Variants in IGF2BP3 observed in about 807,000 individuals in gnomAD.
IGF2BP3 encodes the protein insulin like growth factor 2 mRNA binding protein 3, also known as insulin-like growth factor 2 mRNA-binding protein 3.
A neutral mutation model predicts 73.8 loss-of-function variants in IGF2BP3; 9 were observed. That is an observed-to-expected ratio of 0.12 (90% CI 0.07 to 0.21). The LOEUF (loss-of-function observed/expected upper bound fraction) is 0.21, where lower values mean the gene tolerates loss of function less well. Ranked by LOEUF, IGF2BP3 falls within the 10% of genes least tolerant of loss-of-function variation. The pLI, the probability that IGF2BP3 is intolerant of heterozygous loss-of-function variation, is 1.00. For missense variants in IGF2BP3, 542 were observed against 714.0 expected, an observed-to-expected ratio of 0.76 and a Z score of 2.75; for synonymous variants, 258 against 256.7, an observed-to-expected ratio of 1.01 and a Z score of -0.05.
chr7:23,323,928 G>A (rs1316378265), intron 10 of IGF2BP3, among the ~76,000 whole-genome samples: 4 of 151,822 alleles, frequency 2.6e-5, no homozygotes, highest in Admixed American at 2.6e-4. Flanking sequence ...GCAGTGTGTA[G>A]AGGGAAATTT....
rs181781961 is a variant in IGF2BP3 at position 23,427,655 on chromosome 7, T to C, written c.237-8831A>G. 3.7e-3 allele frequency among the ~76,000 whole-genome samples: 560 copies of C among 151,852 alleles called. 5 individuals are homozygous for C. The highest frequency in any genetic ancestry group is 0.013 in the African/African-American group (526 of 41,388). ...GGAAGGCGGAGGTGGGTGGATCACC[T>C]GAGGTCCAGAGTTCAAGAACAGCCT... On this transcript the variant is annotated intron_variant, in intron 2 of 14. Coordinates refer to ENST00000258729, the MANE Select transcript of IGF2BP3 (RefSeq NM_006547.3).
chr7:23,341,300 C>A (rs1490558037), intron 10 of IGF2BP3, among the ~76,000 whole-genome samples: 2 of 152,156 alleles, frequency 1.3e-5, no homozygotes, highest in South Asian at 4.1e-4. Context: ...CAGAGTCACT[C>A]CTGACCTTTC....
chr7:23,343,521 A>C (rs1000227708), intron 9 of IGF2BP3, among the ~76,000 whole-genome samples, 197 bp downstream of exon 9: 1 of 152,238 alleles, frequency 6.6e-6, no homozygotes, highest in Non-Finnish European at 1.5e-5. Flanking sequence ...ATAATTTGCT[A>C]AAGTCACAGA....
At chr7:23,375,095 C>T (rs754516132) in intron 3 of IGF2BP3, among the ~76,000 whole-genome samples, 1 of 152,176 alleles carries the variant, frequency 6.6e-6, no homozygotes, top group Non-Finnish European at 1.5e-5. Context: ...ACTAGAGTGT[C>T]AAATACTGTT....
intron 2 of IGF2BP3, among the ~76,000 whole-genome samples, chr7:23,431,677 TA>T (rs1265346441): frequency 6.6e-6 from 1 of 150,478 alleles, no homozygotes; most frequent in Non-Finnish European, 1.5e-5. Flanking sequence ...CACCGTAAAA[TA>T]AAGAGATGTC....
chr7:23,448,541 T>C (rs1326777374), intron 2 of IGF2BP3, among the ~76,000 whole-genome samples: 1 of 152,136 alleles, frequency 6.6e-6, no homozygotes, highest in Non-Finnish European at 1.5e-5. Flanking sequence ...TAGCTGGGAC[T>C]ACAGGCATGC....
intron 3 of IGF2BP3, among the ~76,000 whole-genome samples, chr7:23,401,560 T>G (rs1420623094): frequency 6.6e-6 from 1 of 150,404 alleles, no homozygotes; most frequent in African/African-American, 2.5e-5. Flanking sequence ...AGGTCAGGAG[T>G]TCGAGACCAG....
chr7:23,342,353 T>C (rs150493943), intron 9 of IGF2BP3, among the ~76,000 whole-genome samples, 164 bp from the exon 10 acceptor site: 1 of 152,346 alleles, frequency 6.6e-6, no homozygotes, highest in African/African-American at 2.4e-5. Context: ...ATCGTTTACA[T>C]CTGTTTATAT....
At position 23,343,789 on chromosome 7, in the gene IGF2BP3, A is replaced by G. The variant is rs1049142269; in HGVS notation, c.1006T>C (p.Cys336Arg). Reference protein sequence around the residue: ...TITVKGNVETCAKAEEEIMKK... With the variant: ...TITVKGNVETRAKAEEEIMKK... ...ATGATCTCCTCCTCAGCTTTGGCAC[A>G]TGTCTCAACATTGCCTTTAACTGTA... is the stretch of plus-strand genomic sequence containing the variant. Residue 336 changes from cysteine (C) to arginine (R), a missense_variant, in exon 9 of 15, where the codon TGT (cysteine) becomes CGT (arginine). Coordinates refer to ENST00000258729, the MANE Select transcript of IGF2BP3 (RefSeq NM_006547.3). 6.2e-7 allele frequency: 1 copy of G among 1,612,244 alleles called. No homozygotes were observed. The highest frequency in any genetic ancestry group is 1.3e-5 in the African/African-American group (1 of 74,908).
chr7:23,414,395 G>C (rs192677136), intron 3 of IGF2BP3: 1 of 152,286 alleles, frequency 6.6e-6, no homozygotes, highest in African/African-American at 2.4e-5. Flanking sequence ...GTAACAGAAA[G>C]GTAACACTCC....
chr7:23,468,443 G>C, intron 2 of IGF2BP3, 39 bp downstream of exon 2: 2 of 1,607,370 alleles, frequency 1.2e-6, no homozygotes, highest in Non-Finnish European at 1.7e-6. Flanking sequence ...CAATAACGGA[G>C]TGAGAACAGA....
intron 2 of IGF2BP3, among the ~76,000 whole-genome samples, chr7:23,462,708 T>C (rs1419655602): frequency 6.6e-6 from 1 of 152,188 alleles, no homozygotes; most frequent in Non-Finnish European, 1.5e-5. Context: ...AATCAAGTTA[T>C]ATGGTCTCAG....
intron 2 of IGF2BP3, among the ~76,000 whole-genome samples, chr7:23,429,013 T>C (rs953335627): frequency 1.4e-4 from 22 of 152,202 alleles, no homozygotes; most frequent in Non-Finnish European, 1.5e-5. Flanking sequence ...ATTCTAGGTT[T>C]AGCTTGTATG....
chr7:23,366,710 G>A (rs1455272789), intron 3 of IGF2BP3, among the ~76,000 whole-genome samples: 2 of 152,032 alleles, frequency 1.3e-5, no homozygotes, highest in Admixed American at 6.6e-5. Flanking sequence ...GTGGATCTTT[G>A]ATGTCTTACT....
Position 23,429,378 on chromosome 7 carries a change from G to A in IGF2BP3, c.237-10554C>T, listed in dbSNP as rs182736980. 8.5e-5 allele frequency among the ~76,000 whole-genome samples: 13 copies of A among 152,180 alleles called. 1 individual carries two copies. Among genetic ancestry groups the A allele is most frequent in the Admixed American group, 7.2e-4 (11 of 15,286 alleles). On this transcript the variant is annotated intron_variant, in intron 2 of 14. Coordinates refer to ENST00000258729, the MANE Select transcript of IGF2BP3 (RefSeq NM_006547.3). ...GCATTTTACAGATTAGGAAACAAAG[G>A]CAGAAGTAATTTAATTTGTCTGAAT...
intron 10 of IGF2BP3, among the ~76,000 whole-genome samples, chr7:23,325,343 T>G (rs1422971579): frequency 6.6e-6 from 1 of 151,980 alleles, no homozygotes; most frequent in African/African-American, 2.4e-5. Context: ...GAGAATAAAA[T>G]ACCTAGGAAT....
In IGF2BP3 at chr7:23,371,478, T is replaced by G. The variant is rs572033268; in HGVS notation, c.286-9737A>C. On this transcript the variant is annotated intron_variant, in intron 3 of 14. Transcript: ENST00000258729. ...TGTATTGCAGGTTCCAAATAATCAT[T>G]TCCAGTTAAATATTGATATATAATT... Among the ~76,000 whole-genome samples the G allele has an allele frequency of 9.2e-5, 14 of 152,288 alleles. No individual in the cohort carries two copies. The East Asian group carries it at 2.3e-3, about 25-fold the overall frequency.
At chr7:23,332,991 C>T (rs12666711) in intron 10 of IGF2BP3, among the ~76,000 whole-genome samples, 5 of 152,318 alleles carry the variant, frequency 3.3e-5, no homozygotes, top group African/African-American at 1.2e-4. Flanking sequence ...CAAACTAAAC[C>T]TAATGTGTAA....
chr7:23,367,534 A>G (rs1328314290), intron 3 of IGF2BP3, among the ~76,000 whole-genome samples: 1 of 152,130 alleles, frequency 6.6e-6, no homozygotes, highest in African/African-American at 2.4e-5. Context: ...TAAAATCTTA[A>G]ACCAGAAAGG....
Sources: gnomAD v4.1 joint callset for allele counts (sites outside exome capture counted in the v4.1 genomes callset) on GRCh38, gnomAD v4.1.1 for gene constraint, MANE v1.5 for transcripts, NCBI Gene and HGNC (gene_info 2026-07-23, HGNC 2026-07-21) for gene names.